The following AUTS2 variants were observed in gnomAD, a reference collection of about 807,000 sequenced individuals.
AUTS2 encodes activator of transcription and developmental regulator AUTS2, also known as autism susceptibility gene 2 protein.
AUTS2 carries 17 observed loss-of-function variants against 112.4 expected under a neutral mutation model. That is an observed-to-expected ratio of 0.15 (90% CI 0.10 to 0.23). The LOEUF (loss-of-function observed/expected upper bound fraction) is 0.23, where lower values mean the gene tolerates loss of function less well. Ranked by LOEUF, AUTS2 falls within the 10% of genes least tolerant of loss-of-function variation. AUTS2 has a pLI of 1.00. For synonymous variants in AUTS2, 751 were observed against 702.7 expected (o/e 1.07, Z -1.09); for missense variants, 1,510 against 1,701.6 (o/e 0.89, Z 1.98).
At chr7:70,719,123 T>C (rs1810531445) in intron 6 of AUTS2, among the ~76,000 whole-genome samples, 1 of 152,184 alleles carries the variant, frequency 6.6e-6, no homozygotes, top group African/African-American at 2.4e-5. Flanking sequence ...TAGATGGTAT[T>C]AACACTGTTT....
chr7:69,917,348 A>G (rs1199321955), intron 2 of AUTS2, among the ~76,000 whole-genome samples: 3 of 124,146 alleles, frequency 2.4e-5, no homozygotes, highest in Non-Finnish European at 4.9e-5. Flanking sequence ...GACTTAATCT[A>G]TTTTCTATAA....
chr7:70,017,149 A>T (rs1800066125), intron 2 of AUTS2, among the ~76,000 whole-genome samples: 2 of 152,232 alleles, frequency 1.3e-5, no homozygotes, highest in African/African-American at 4.8e-5. Context: ...AATGCTTTTC[A>T]TCACTTGTAA....
intron 1 of AUTS2, among the ~76,000 whole-genome samples, chr7:69,763,093 A>G (rs1788265104): frequency 6.6e-6 from 1 of 152,230 alleles, no homozygotes; most frequent in South Asian, 2.1e-4. Flanking sequence ...CAGAGGATGA[A>G]CTTAAAAATA....
Position 70,787,198 on chromosome 7 carries a change from C to T in AUTS2, c.2309-11C>T, listed in dbSNP as rs757460400. 3.7e-5 allele frequency: 59 copies of T among 1,613,608 alleles called. No homozygotes were observed. The highest frequency in any genetic ancestry group is 5.3e-5 in the African/African-American group (4 of 74,912). On this transcript the variant is annotated splice_polypyrimidine_tract_variant and intron_variant, in intron 17 of 18. Transcript: ENST00000342771. ...TCTTAAACCTTTTTGTTCTCCACTT[C>T]ACCATTTCAGCACCCAACTCAATGT...
At chr7:70,583,146 C>T (rs1802527967) in intron 5 of AUTS2, among the ~76,000 whole-genome samples, 1 of 152,230 alleles carries the variant, frequency 6.6e-6, no homozygotes, top group African/African-American at 2.4e-5. Flanking sequence ...GCCTAGTCTC[C>T]AGAAGTGTTT....
chr7:70,238,081 T>C (rs573148848), intron 4 of AUTS2, among the ~76,000 whole-genome samples: 122 of 152,282 alleles, frequency 8.0e-4, no homozygotes, highest in Middle Eastern at 6.8e-3. Flanking sequence ...TTCCTGTGGA[T>C]CCAAAATTGA....
chr7:70,171,922 T>C (rs1808720087), intron 4 of AUTS2, among the ~76,000 whole-genome samples: 1 of 151,952 alleles, frequency 6.6e-6, no homozygotes, highest in Non-Finnish European at 1.5e-5. Flanking sequence ...GGGTAGTTTT[T>C]CCCTCCTTCT....
chr7:70,654,129 G>T (rs957495366), intron 5 of AUTS2, among the ~76,000 whole-genome samples: 3 of 152,166 alleles, frequency 2.0e-5, no homozygotes, highest in Admixed American at 6.5e-5. Flanking sequence ...ACTGCTAATG[G>T]TTATGGAACT....
At chr7:69,705,793 G>T (rs978011884) in intron 1 of AUTS2, among the ~76,000 whole-genome samples, 1 of 152,154 alleles carries the variant, frequency 6.6e-6, no homozygotes, top group Non-Finnish European at 1.5e-5. Flanking sequence ...AGATCAAGGT[G>T]TTGAGAGGTT....
chr7:70,438,873 CA>C (rs1796007488), intron 5 of AUTS2, among the ~76,000 whole-genome samples: 1 of 152,190 alleles, frequency 6.6e-6, no homozygotes, highest in African/African-American at 2.4e-5. Context: ...CTGTTGGAGG[CA>C]AAAGTGAAAC....
chr7:69,917,946 G>A (rs1221212386), intron 2 of AUTS2, among the ~76,000 whole-genome samples: 2 of 151,930 alleles, frequency 1.3e-5, no homozygotes, highest in Admixed American at 1.3e-4. Flanking sequence ...GGGTTCAAAC[G>A]ATTCTTCTGC....
At chr7:70,127,123 G>T (rs1249130199) in intron 3 of AUTS2, among the ~76,000 whole-genome samples, 1 of 151,208 alleles carries the variant, frequency 6.6e-6, no homozygotes, top group Non-Finnish European at 1.5e-5. Context: ...ACTGCGCCTG[G>T]CCTTGTTCGC....
chr7:70,392,409 C>CTG (rs1793905967), intron 4 of AUTS2, among the ~76,000 whole-genome samples: 1 of 152,114 alleles, frequency 6.6e-6, no homozygotes, highest in Non-Finnish European at 1.5e-5. Flanking sequence ...GGAAGCCTTG[C>CTG]TGTGTTCTTC....
At chr7:70,730,014 C>G (rs1189891914) in intron 6 of AUTS2, among the ~76,000 whole-genome samples, 5 of 152,176 alleles carry the variant, frequency 3.3e-5, no homozygotes, top group Non-Finnish European at 7.4e-5. Context: ...TACTGCGTAG[C>G]TGGGATTACA....
chr7:69,907,027 G>T (rs1333832793), intron 2 of AUTS2, among the ~76,000 whole-genome samples: 1 of 152,014 alleles, frequency 6.6e-6, no homozygotes, highest in African/African-American at 2.4e-5. Context: ...GGATTGCAAG[G>T]GCCCAGGAAG....
chr7:69,937,341 G>A (rs781194674), intron 2 of AUTS2, among the ~76,000 whole-genome samples: 4 of 152,278 alleles, frequency 2.6e-5, no homozygotes, highest in South Asian at 4.1e-4. Flanking sequence ...TTTTCCTGCC[G>A]TCGGAAACCA....
In AUTS2 at chr7:70,602,057, A is replaced by G. The variant is rs556283808; in HGVS notation, c.691-96512A>G. 2.6e-3 allele frequency among the ~76,000 whole-genome samples: 390 copies of G among 152,222 alleles called. 1 individual carries two copies. Among genetic ancestry groups the G allele is most frequent in the African/African-American group, 9.3e-3 (385 of 41,528 alleles). ...ACCCCCCAGGGCAGGTGCCTCTCTCAAGATACCTGAGACTACCAGGCACAT... is the reference window on the plus strand; with the variant it reads ...ACCCCCCAGGGCAGGTGCCTCTCTCGAGATACCTGAGACTACCAGGCACAT... On this transcript the variant is annotated intron_variant, in intron 5 of 18. Coordinates refer to ENST00000342771, the MANE Select transcript of AUTS2 (RefSeq NM_015570.4).
chr7:70,111,993 A>G (rs1805112322), intron 2 of AUTS2, among the ~76,000 whole-genome samples: 1 of 151,826 alleles, frequency 6.6e-6, no homozygotes, highest in Non-Finnish European at 1.5e-5. Context: ...CATTTTTAGA[A>G]TTCTCTTCCT....
intron 5 of AUTS2, among the ~76,000 whole-genome samples, chr7:70,676,149 A>G (rs1807900435): frequency 1.3e-5 from 2 of 152,282 alleles, no homozygotes; most frequent in African/African-American, 4.8e-5. Flanking sequence ...AAGAAGAAGA[A>G]TAAGATATAG....
Sources: gnomAD v4.1 joint callset for allele counts (sites outside exome capture counted in the v4.1 genomes callset) on GRCh38, gnomAD v4.1.1 for gene constraint, MANE v1.5 for transcripts, NCBI Gene and HGNC (gene_info 2026-07-23, HGNC 2026-07-21) for gene names.